The following ZNF804B variants were observed in gnomAD, a reference collection of about 807,000 sequenced individuals.
The protein encoded by ZNF804B is zinc finger 804B.
ZNF804B carries 80 observed loss-of-function variants against 101.4 expected under a neutral mutation model. That is an observed-to-expected ratio of 0.79 (90% CI 0.66 to 0.95). ZNF804B has a LOEUF of 0.95. ZNF804B is among the 40% of genes least tolerant of loss of function. ZNF804B has a pLI of 0.00. For synonymous variants in ZNF804B, 622 were observed against 558.8 expected (o/e 1.11, Z -1.59); for missense variants, 1,673 against 1,561.9 (o/e 1.07, Z -1.20).
chr7:88,877,010 A>G (rs1791951405), intron 1 of ZNF804B, among the ~76,000 whole-genome samples: 1 of 62,044 alleles, frequency 1.6e-5, no homozygotes, highest in Non-Finnish European at 2.5e-5. Context: ...AAAAAAAAAT[A>G]TATATATATA....
intron 2 of ZNF804B, among the ~76,000 whole-genome samples, chr7:89,279,090 G>A (rs1790036722): frequency 6.6e-6 from 1 of 152,034 alleles, no homozygotes; most frequent in African/African-American, 2.4e-5. Flanking sequence ...TGGATTCCTA[G>A]GTATTTTATT....
chr7:89,214,030 A>G (rs1245995365), intron 1 of ZNF804B, among the ~76,000 whole-genome samples: 1 of 152,224 alleles, frequency 6.6e-6, no homozygotes, highest in Non-Finnish European at 1.5e-5. Context: ...TACGTGTTTT[A>G]CGCATTAATG....
intron 1 of ZNF804B, among the ~76,000 whole-genome samples, chr7:89,166,156 T>C (rs1791140076): frequency 6.6e-6 from 1 of 152,130 alleles, no homozygotes. Flanking sequence ...GCAATTATTT[T>C]ATTGAATATT....
At position 89,241,857 on chromosome 7, in the gene ZNF804B, G is replaced by GCCA. The variant is rs1427358116; in HGVS notation, c.249+23562_249+23563insCCA. On this transcript the variant is annotated intron_variant, in intron 2 of 3. Coordinates refer to ENST00000333190, the MANE Select transcript of ZNF804B (RefSeq NM_181646.5). ...ATCACTACAAACACTACAGGGTAATGTTCAATGAATGGTTATTGGAAGAGT... is the reference window on the plus strand; with the variant it reads ...ATCACTACAAACACTACAGGGTAATGCCATTCAATGAATGGTTATTGGAAGAGT... Among the ~76,000 whole-genome samples, 11 of 143,654 alleles carry GCCA rather than the reference G, an allele frequency of 7.7e-5. No individual in the cohort carries two copies. The East Asian group carries it at 2.0e-3, about 27-fold the overall frequency. 94.2% of individuals were successfully genotyped at this position (143,654 alleles called of 152,430 possible).
At chr7:88,776,912 G>GT (rs1300100879) in intron 1 of ZNF804B, among the ~76,000 whole-genome samples, 4 of 151,874 alleles carry the variant, frequency 2.6e-5, no homozygotes, top group African/African-American at 4.8e-5. Context: ...CCAATACCAA[G>GT]TAATTGTTTA....
At chr7:88,809,055 G>A (rs35578640) in intron 1 of ZNF804B, among the ~76,000 whole-genome samples, 66,915 of 151,926 alleles carry the variant, frequency 0.44, 15,590 homozygotes, top group East Asian at 0.78. Context: ...TATAGTAGAA[G>A]TATCTAAAAT....
chr7:88,968,499 T>C (rs1296992788), intron 1 of ZNF804B, among the ~76,000 whole-genome samples: 2 of 151,662 alleles, frequency 1.3e-5, no homozygotes, highest in African/African-American at 4.8e-5. Flanking sequence ...TTAAACATTT[T>C]AATTTGTTGT....
chr7:88,935,369 TA>T (rs3034324), intron 1 of ZNF804B, among the ~76,000 whole-genome samples: 27,078 of 131,040 alleles, frequency 0.21, 2,782 homozygotes, highest in East Asian at 0.43. Context: ...TAAAAGTAAT[TA>T]AAAAAAAAAA....
At chr7:88,900,657 G>A (rs933918752) in intron 1 of ZNF804B, among the ~76,000 whole-genome samples, 1 of 150,202 alleles carries the variant, frequency 6.7e-6, no homozygotes, top group African/African-American at 2.4e-5. Flanking sequence ...TGTGGGTTTA[G>A]ACAGATATTT....
At chr7:88,879,559 C>A (rs1170096481) in intron 1 of ZNF804B, among the ~76,000 whole-genome samples, 1 of 152,078 alleles carries the variant, frequency 6.6e-6, no homozygotes. Flanking sequence ...TACACATATA[C>A]ATCTAAAGGA....
chr7:88,867,725 A>G (rs1171335006), intron 1 of ZNF804B, among the ~76,000 whole-genome samples: 1 of 152,196 alleles, frequency 6.6e-6, no homozygotes, highest in African/African-American at 2.4e-5. Context: ...AATAACAATA[A>G]CAATAAAAAA....
intron 1 of ZNF804B, among the ~76,000 whole-genome samples, chr7:89,205,342 G>A (rs1401494390): frequency 6.6e-6 from 1 of 152,068 alleles, no homozygotes; most frequent in African/African-American, 2.4e-5. Flanking sequence ...GCCCCTCAAA[G>A]TCTTAACTCA....
chr7:89,056,434 T>C (rs948242899), intron 1 of ZNF804B, among the ~76,000 whole-genome samples: 2 of 151,990 alleles, frequency 1.3e-5, no homozygotes, highest in Non-Finnish European at 2.9e-5. Context: ...TTGAGGAAAA[T>C]AGACAGTATG....
intron 2 of ZNF804B, among the ~76,000 whole-genome samples, chr7:89,294,700 A>G (rs2030662): frequency 0.23 from 35,199 of 151,648 alleles, 4,417 homozygotes; most frequent in Admixed American, 0.28. Flanking sequence ...TAATTCACTG[A>G]TATTAAAATT....
chr7:89,304,985 C>T lies in ZNF804B; in HGVS notation c.250-22359C>T, dbSNP rs146876152. On this transcript the variant is annotated intron_variant, in intron 2 of 3. Transcript: ENST00000333190. ...TCCTTTGGTATGCAAGACGGACTTG[C>T]ATTAGAGACAGAATAGCATGGCTGG... Among the ~76,000 whole-genome samples the T allele has an allele frequency of 3.3e-3, 505 of 152,088 alleles. 5 individuals carry two copies. The highest frequency in any genetic ancestry group is 0.011 in the African/African-American group (453 of 41,522).
intron 1 of ZNF804B, among the ~76,000 whole-genome samples, chr7:89,060,465 A>C (rs77822675): frequency 0.02 from 3,003 of 152,270 alleles, 42 homozygotes; most frequent in African/African-American, 0.032. Flanking sequence ...TTGAAATGGC[A>C]GAGCAATAAC....
In ZNF804B at chr7:89,116,076, T is replaced by A. The variant is rs13228889; in HGVS notation, c.109-102079T>A. Reference sequence around the variant, plus strand: ...CATGCCACCATGCCCAGTTATTATTTTTTTTTTTTGTATTTTTAGTAAAAA... The same window carrying A: ...CATGCCACCATGCCCAGTTATTATTATTTTTTTTTGTATTTTTAGTAAAAA... On this transcript the variant is annotated intron_variant, in intron 1 of 3. Transcript: ENST00000333190. Among the ~76,000 whole-genome samples, 97 of 113,160 alleles carry A rather than the reference T, an allele frequency of 8.6e-4. 1 individual carries two copies. In the South Asian group the frequency reaches 0.024, roughly 28 times the overall value. The allele number at this position is 113,160 out of a possible 152,430, so 74.2% of individuals were successfully genotyped here. A position where few individuals can be genotyped will look rare whatever the true frequency, so the allele number is the denominator to read the frequency against.
rs569957944 is a variant in ZNF804B, at chr7:89,135,635, A to T, written c.109-82520A>T. On this transcript the variant is annotated intron_variant, in intron 1 of 3. Coordinates refer to ENST00000333190, the MANE Select transcript of ZNF804B (RefSeq NM_181646.5). Reference sequence around the variant, plus strand: ...ACATCTTTCTTGTTCTTTCCATAAAACGTGTCCTATCTGATGCACAAGGAT... The same window carrying T: ...ACATCTTTCTTGTTCTTTCCATAAATCGTGTCCTATCTGATGCACAAGGAT... 3.3e-5 allele frequency among the ~76,000 whole-genome samples: 5 copies of T among 152,168 alleles called. No individual in the cohort carries two copies. In the East Asian group the frequency reaches 5.8e-4, roughly 18 times the overall value.
At chr7:88,858,437 T>G (rs1441357021) in intron 1 of ZNF804B, among the ~76,000 whole-genome samples, 2 of 152,168 alleles carry the variant, frequency 1.3e-5, no homozygotes, top group African/African-American at 4.8e-5. Context: ...TGATTCTTTG[T>G]TTAAAATTAA....
Sources: gnomAD v4.1 joint callset for allele counts (sites outside exome capture counted in the v4.1 genomes callset) on GRCh38, gnomAD v4.1.1 for gene constraint, MANE v1.5 for transcripts, NCBI Gene and HGNC (gene_info 2026-07-23, HGNC 2026-07-21) for gene names.